The following KLHL36 variants were observed in gnomAD, a reference collection of about 807,000 sequenced individuals.
KLHL36 encodes kelch-like protein 36.
KLHL36 carries 35 observed loss-of-function variants against 53.3 expected under a neutral mutation model. The ratio of observed to expected loss-of-function variants is 0.66; its 90% CI spans 0.50 to 0.87. The LOEUF is 0.87. Ranked by LOEUF, KLHL36 falls within the 40% of genes least tolerant of loss-of-function variation. The probability of loss-of-function intolerance (pLI) is 0.00; values close to 1 mark genes in which losing one functional copy is unlikely to be tolerated. For missense variants in KLHL36, 864 were observed against 897.6 expected, an observed-to-expected ratio of 0.96 and a Z score of 0.48; for synonymous variants, 472 against 398.9, an observed-to-expected ratio of 1.18 and a Z score of -2.18.
chr16:84,661,471 T>C lies in KLHL36; in HGVS notation c.1296-107T>C. The C allele has an allele frequency of 2.6e-6, 3 of 1,167,712 alleles. No homozygotes were observed. The highest frequency in any genetic ancestry group is 1.5e-5 in the South Asian group (1 of 67,976). 72.3% of individuals were successfully genotyped at this position (1,167,712 alleles called of 1,614,324 possible). A position where few individuals can be genotyped will look rare whatever the true frequency, so the allele number is the denominator to read the frequency against. On this transcript the variant is annotated intron_variant, in intron 4 of 4. Transcript: ENST00000564996. The surrounding 1 kb of genome is among the most constrained non-coding windows in gnomAD (Gnocchi z 7.9). ...CATGGGGTGCCCACTCCCTATATTC[T>C]TAAATCCTCATGGCCCTCTAAGACG...
At position 84,662,656 on chromosome 16, in the gene KLHL36, A is replaced by C. The variant is rs1375308434; in HGVS notation, c.*523A>C. The stretch of plus-strand genomic sequence containing the variant: ...TCTTGGAATTCTGGGTATTAGTCAC[A>C]TCTGGGAATCACTGGCAAGGTCCAG... On this transcript the variant is annotated 3_prime_UTR_variant, in exon 5 of 5. Transcript: ENST00000564996. The C allele has an allele frequency of 6.5e-6, 1 of 153,404 alleles. No individual in the cohort carries two copies. The highest frequency in any genetic ancestry group is 6.4e-5 in the Admixed American group (1 of 15,516). The allele number at this position is 153,404 out of a possible 1,614,324, so 9.5% of individuals were successfully genotyped here.
At chr16:84,659,680 A>C (rs921834782) in intron 3 of KLHL36, 80 bp from the exon 4 acceptor site, 18 of 1,418,460 alleles carry the variant, frequency 1.3e-5, no homozygotes, top group African/African-American at 7.1e-5. Context: ...TTCCGCAGAC[A>C]CATTTGGGAA....
rs1555530372 is a variant in KLHL36 at position 84,667,069 on chromosome 16, A to AAAAAAGAAAAG, written c.*4941_*4942insGAAAAGAAAAA. On this transcript the variant is annotated 3_prime_UTR_variant, in exon 5 of 5. Coordinates refer to ENST00000564996, the MANE Select transcript of KLHL36 (RefSeq NM_024731.4). ...CGAGTAAGACTGTCTCAAAAAAAAA[A>AAAAAAGAAAAG]AAAAAAAAGAAAAGAAATTGTCCTT... The AAAAAAGAAAAG allele has an allele frequency of 1.4e-3, 202 of 146,180 alleles. 3 individuals are homozygous for AAAAAAGAAAAG. Among genetic ancestry groups the AAAAAAGAAAAG allele is most frequent in the Admixed American group, 1.7e-3 (25 of 14,684 alleles). The allele number at this position is 146,180 out of a possible 1,614,324, so 9.1% of individuals were successfully genotyped here. A position where few individuals can be genotyped will look rare whatever the true frequency, so the allele number is the denominator to read the frequency against.
intron 2 of KLHL36, among the ~76,000 whole-genome samples, chr16:84,651,203 C>T (rs1156697907): frequency 6.6e-6 from 1 of 152,128 alleles, no homozygotes; most frequent in Admixed American, 6.6e-5. Flanking sequence ...TTGACTCATT[C>T]GTTAACCCAA....
At position 84,652,482 on chromosome 16, in the gene KLHL36, G is replaced by A. The variant is rs1906948867; in HGVS notation, c.63+1552G>A. Among the ~76,000 whole-genome samples the A allele has an allele frequency of 1.3e-5, 2 of 152,148 alleles. 1 individual carries two copies. Among genetic ancestry groups the A allele is most frequent in the South Asian group, 4.1e-4 (2 of 4,832 alleles). ...GACGGGGTTTCACCATGTTGGCCAGGATGGTCTTGATCTCTTGACCTCGTG... is the reference window on the plus strand; with the variant it reads ...GACGGGGTTTCACCATGTTGGCCAGAATGGTCTTGATCTCTTGACCTCGTG... On this transcript the variant is annotated intron_variant, in intron 2 of 4. Coordinates refer to ENST00000564996, the MANE Select transcript of KLHL36 (RefSeq NM_024731.4).
rs749594717 is a variant in KLHL36 at position 84,659,756 on chromosome 16, A to G, written c.1138-4A>G. Reference sequence around the variant, plus strand: ...GGGAAGGTACAGGTATCTCAACTCCACAGGTGGCCTCCATGAACCAGCGCC... The same window carrying G: ...GGGAAGGTACAGGTATCTCAACTCCGCAGGTGGCCTCCATGAACCAGCGCC... On this transcript the variant is annotated splice_region_variant and splice_polypyrimidine_tract_variant and intron_variant, in intron 3 of 4. Coordinates refer to ENST00000564996, the MANE Select transcript of KLHL36 (RefSeq NM_024731.4). The G allele has an allele frequency of 1.2e-6, 2 of 1,613,956 alleles. No homozygotes were observed. Among genetic ancestry groups the G allele is most frequent in the Non-Finnish European group, 1.7e-6 (2 of 1,179,886 alleles).
In KLHL36 at chr16:84,657,140, G is replaced by A. The variant is rs750284779; in HGVS notation, c.333G>A (p.Leu111=). ...TCCTGTACGGCGGGGAGCTGGTGCT[G>A]GATGGCGGCAACATTGACTACGTCC... ...VDFLYGGELV[L]DGGNIDYVLE... The change falls in exon 3 of 5, where the codon CTG becomes CTA. Residue 111 remains leucine (L), a synonymous_variant. Transcript: ENST00000564996. 2.3e-5 allele frequency: 37 copies of A among 1,614,174 alleles called. 1 individual carries two copies. Among genetic ancestry groups the A allele is most frequent in the East Asian group, 2.0e-4 (9 of 44,890 alleles).
chr16:84,658,109 A>T, intron 3 of KLHL36, 165 bp downstream of exon 3: 1 of 585,168 alleles, frequency 1.7e-6, no homozygotes, highest in Non-Finnish European at 2.9e-6. Flanking sequence ...TACATCCTGG[A>T]CAGGGAGAGG....
In KLHL36 at chr16:84,661,494, A is replaced by ACGG. The variant is rs1907542576; in HGVS notation, c.1296-82_1296-80dup. The ACGG allele has an allele frequency of 7.3e-7, 1 of 1,371,264 alleles. No homozygotes were observed. Among genetic ancestry groups the ACGG allele is most frequent in the Non-Finnish European group, 9.9e-7 (1 of 1,005,324 alleles). The allele number at this position is 1,371,264 out of a possible 1,614,324, so 84.9% of individuals were successfully genotyped here. ...TCTTAAATCCTCATGGCCCTCTAAGACGGCAGGCTGTTCCCCGGCTCGGAG... is the reference window on the plus strand; with the variant it reads ...TCTTAAATCCTCATGGCCCTCTAAGACGGCGGCAGGCTGTTCCCCGGCTCGGAG... On this transcript the variant is annotated intron_variant, in intron 4 of 4. Coordinates refer to ENST00000564996, the MANE Select transcript of KLHL36 (RefSeq NM_024731.4). The surrounding 1 kb of genome is among the most constrained non-coding windows in gnomAD (Gnocchi z 7.9).
rs1597225626 is a variant in KLHL36, at chr16:84,662,229, A to G, written c.*96A>G. 2 of 1,105,044 alleles carry G rather than the reference A, an allele frequency of 1.8e-6. No homozygotes were observed. Among genetic ancestry groups the G allele is most frequent in the East Asian group, 5.2e-5 (2 of 38,150 alleles). 68.5% of individuals were successfully genotyped at this position (1,105,044 alleles called of 1,614,324 possible). A position where few individuals can be genotyped will look rare whatever the true frequency, so the allele number is the denominator to read the frequency against. On this transcript the variant is annotated 3_prime_UTR_variant, in exon 5 of 5. Transcript: ENST00000564996. ...TAGTATTCCGGAAACATTATGTACA[A>G]CTTAGCAGCTTTTTTTACTTTTATG...
chr16:84,659,320 T>C (rs938979670), intron 3 of KLHL36: 1 of 156,300 alleles, frequency 6.4e-6, no homozygotes, highest in African/African-American at 2.4e-5. Flanking sequence ...TTTAATTTCC[T>C]GTCGAATGCC....
chr16:84,661,516 G>A lies in KLHL36; in HGVS notation c.1296-62G>A, dbSNP rs540734578. On this transcript the variant is annotated intron_variant, in intron 4 of 4. Coordinates refer to ENST00000564996, the MANE Select transcript of KLHL36 (RefSeq NM_024731.4). This position sits in a 1 kb window ranked among gnomAD's most constrained non-coding sequence, Gnocchi z 7.9. The stretch of plus-strand genomic sequence containing the variant: ...AAGACGGCAGGCTGTTCCCCGGCTC[G>A]GAGGGGGTAAGCCTGGCACAGCCCT... 37 of 1,488,016 alleles carry A rather than the reference G, an allele frequency of 2.5e-5. No homozygotes were observed. Among genetic ancestry groups the A allele is most frequent in the South Asian group, 1.2e-4 (9 of 77,272 alleles). 92.2% of individuals were successfully genotyped at this position (1,488,016 alleles called of 1,614,324 possible).
intron 2 of KLHL36, among the ~76,000 whole-genome samples, chr16:84,651,484 C>G (rs931225575): frequency 6.6e-6 from 1 of 152,132 alleles, no homozygotes; most frequent in African/African-American, 2.4e-5. Context: ...CATTAAAATC[C>G]AAGAGCCAGA....
rs920416118 is a variant in KLHL36, at chr16:84,667,523, A to G, written c.*5390A>G. 2.6e-5 allele frequency: 4 copies of G among 152,098 alleles called. No individual in the cohort carries two copies. Among genetic ancestry groups the G allele is most frequent in the Admixed American group, 1.3e-4 (2 of 15,254 alleles). The allele number at this position is 152,098 out of a possible 1,614,324, so 9.4% of individuals were successfully genotyped here. On this transcript the variant is annotated 3_prime_UTR_variant, in exon 5 of 5. Coordinates refer to ENST00000564996, the MANE Select transcript of KLHL36 (RefSeq NM_024731.4). ...TTTTTAATTCCATACAGAGTATTCA[A>G]TTCTTGAAACACATTAAAATAATTT...
At position 84,657,956 on chromosome 16, in the gene KLHL36, G is replaced by A. The variant is rs774622456; in HGVS notation, c.1137+12G>A. Reference sequence around the variant, plus strand: ...AACAGTGGATCAAGGTGAGATTAAAGCCAGATTATTTCTTTTCTCTTGAGG... The same window carrying A: ...AACAGTGGATCAAGGTGAGATTAAAACCAGATTATTTCTTTTCTCTTGAGG... On this transcript the variant is annotated intron_variant, in intron 3 of 4. Transcript: ENST00000564996. 2 of 1,495,230 alleles carry A rather than the reference G, an allele frequency of 1.3e-6. No individual in the cohort carries two copies. The highest frequency in any genetic ancestry group is 2.3e-5 in the Admixed American group (1 of 42,734). The allele number at this position is 1,495,230 out of a possible 1,614,324, so 92.6% of individuals were successfully genotyped here. A position where few individuals can be genotyped will look rare whatever the true frequency, so the allele number is the denominator to read the frequency against.
Position 84,665,880 on chromosome 16 carries a change from CACTG to C in KLHL36, c.*3750_*3753del, listed in dbSNP as rs1377974040. The C allele has an allele frequency of 6.6e-6, 1 of 152,226 alleles. No individual in the cohort carries two copies. Among genetic ancestry groups the C allele is most frequent in the Non-Finnish European group, 1.5e-5 (1 of 68,092 alleles). The allele number at this position is 152,226 out of a possible 1,614,324, so 9.4% of individuals were successfully genotyped here. A position where few individuals can be genotyped will look rare whatever the true frequency, so the allele number is the denominator to read the frequency against. ...CACCCCCCACCACCCCCTGTAGAGTCACTGACCTTCATCCTTCACCCTGGTCCTC... is the reference window on the plus strand; with the variant it reads ...CACCCCCCACCACCCCCTGTAGAGTCACCTTCATCCTTCACCCTGGTCCTC... On this transcript the variant is annotated 3_prime_UTR_variant, in exon 5 of 5. Transcript: ENST00000564996.
chr16:84,654,519 GCACA>G (rs1907087373), intron 2 of KLHL36, among the ~76,000 whole-genome samples: 1 of 152,216 alleles, frequency 6.6e-6, no homozygotes, highest in African/African-American at 2.4e-5. Context: ...GGATATGGTG[GCACA>G]CACCTGTAGT....
At chr16:84,659,647 C>A in intron 3 of KLHL36, 113 bp from the exon 4 acceptor site, 1 of 1,144,388 alleles carries the variant, frequency 8.7e-7, no homozygotes, top group Non-Finnish European at 1.3e-6. Flanking sequence ...TTCCCTTTCC[C>A]AAACATTCTC....
In KLHL36 at chr16:84,662,313, T is replaced by C; in HGVS notation, c.*180T>C. 1.6e-6 allele frequency: 1 copy of C among 609,536 alleles called. No individual in the cohort carries two copies. Among genetic ancestry groups the C allele is most frequent in the Non-Finnish European group, 2.7e-6 (1 of 365,766 alleles). The allele number at this position is 609,536 out of a possible 1,614,324, so 37.8% of individuals were successfully genotyped here. ...ATTAAATACTATCTGTAACTTTACA[T>C]ATCTTGCTTGAATAACTAACCCTGG... On this transcript the variant is annotated 3_prime_UTR_variant, in exon 5 of 5. Coordinates refer to ENST00000564996, the MANE Select transcript of KLHL36 (RefSeq NM_024731.4).
Sources: allele counts gnomAD v4.1 joint callset (sites outside exome capture counted in the v4.1 genomes callset), GRCh38; gene constraint gnomAD v4.1.1; non-coding constraint Gnocchi (gnomAD v3.1); transcripts MANE v1.5; gene names NCBI Gene and HGNC (gene_info 2026-07-23, HGNC 2026-07-21).